PARP2: variants seen among roughly 807,000 people sequenced by gnomAD.
PARP2 encodes poly [ADP-ribose] polymerase 2.
PARP2 carries 57 observed loss-of-function variants against 77.8 expected under a neutral mutation model. The observed-to-expected ratio is 0.73, with a 90% confidence interval of 0.59 to 0.91. The LOEUF (loss-of-function observed/expected upper bound fraction) is 0.91. Ranked by LOEUF, PARP2 falls within the 40% of genes least tolerant of loss-of-function variation. The pLI is 0.00. For missense variants in PARP2, 651 were observed against 689.0 expected (o/e 0.94, Z 0.62); for synonymous variants, 226 against 242.6 (o/e 0.93, Z 0.64).
chr14:20,353,111 C>T (rs1206812124), intron 7 of PARP2: 1 of 152,030 alleles, frequency 6.6e-6, no homozygotes, highest in African/African-American at 2.4e-5. Flanking sequence ...AACTCGTGAC[C>T]TTGGGTGATC....
intron 7 of PARP2, among the ~76,000 whole-genome samples, chr14:20,353,597 A>G (rs1435633461): frequency 6.6e-6 from 1 of 152,238 alleles, no homozygotes; most frequent in Non-Finnish European, 1.5e-5. Context: ...CAAACTGATT[A>G]AACAATTAAC....
At chr14:20,351,978 T>G (rs1883970934) in intron 6 of PARP2, among the ~76,000 whole-genome samples, 1 of 152,246 alleles carries the variant, frequency 6.6e-6, no homozygotes, top group Non-Finnish European at 1.5e-5. Context: ...TAGATGGATA[T>G]CTTTTGTTTG....
At chr14:20,352,856 T>C (rs1713414) in intron 7 of PARP2, 69,810 of 151,160 alleles carry the variant, frequency 0.46, 17,915 homozygotes, top group African/African-American at 0.7. Context: ...TTTCTAGTCT[T>C]GGCTCTGTTA....
At chr14:20,353,390 G>GT (rs1566422351) in intron 7 of PARP2, among the ~76,000 whole-genome samples, 7 of 151,854 alleles carry the variant, frequency 4.6e-5, no homozygotes, top group Non-Finnish European at 8.8e-5. Flanking sequence ...ACAGGCGCCC[G>GT]CCACCACGCC....
At chr14:20,353,628 C>A (rs1304134432) in intron 7 of PARP2, among the ~76,000 whole-genome samples, 1 of 152,292 alleles carries the variant, frequency 6.6e-6, no homozygotes, top group African/African-American at 2.4e-5. Flanking sequence ...GTTTTCACTT[C>A]TGGATATATA....
chr14:20,354,946 G>C lies in PARP2; in HGVS notation c.901G>C (p.Gly301Arg), dbSNP rs1474646337. Residue 301 changes from glycine (G) to arginine (R), a missense_variant and splice_region_variant, in exon 9 of 16, where the codon GGA (glycine) becomes CGA (arginine). By Grantham distance (125) the Gly-to-Arg change is moderately radical (BLOSUM62 -2). Coordinates refer to ENST00000429687, the MANE Select transcript of PARP2 (RefSeq NM_001042618.2). ...CTACACCAGGATTCCGCATGACTTT[G>C]GGTAAGGCCTGTGCTGTTACTTCAC... ...EFYTRIPHDF[G>R]LRTPPLIRTQ... 1.2e-6 allele frequency: 2 copies of C among 1,612,744 alleles called. No individual in the cohort carries two copies. Among genetic ancestry groups the C allele is most frequent in the East Asian group, 2.2e-5 (1 of 44,870 alleles).
At chr14:20,350,361 TTTC>T (rs1383332818) in intron 4 of PARP2, among the ~76,000 whole-genome samples, 162 bp from the exon 5 acceptor site, 2 of 152,254 alleles carry the variant, frequency 1.3e-5, no homozygotes, top group Non-Finnish European at 2.9e-5. Flanking sequence ...ATAAGCCCTA[TTTC>T]TTCTTTATAT....
intron 3 of PARP2, 45 bp from the exon 4 acceptor site, chr14:20,346,818 C>A: frequency 7.6e-7 from 1 of 1,320,222 alleles, no homozygotes; most frequent in Non-Finnish European, 1.1e-6. Context: ...GATGTCAGGG[C>A]TGAACCTATA....
In PARP2 at chr14:20,354,085, G is replaced by T; in HGVS notation, c.601G>T (p.Asp201Tyr). ...GTGTTTTGTTTGTTTTTTGCTATAG[G>T]ATGAAGAGGAAACAAAGAAAGAGGA... ...LQMDYATNTQ[D>Y]EEETKKEESL... Residue 201 changes from aspartate to tyrosine, a missense_variant and splice_region_variant, in exon 8 of 16, where the codon GAT (aspartate) becomes TAT (tyrosine). Coordinates refer to ENST00000429687, the MANE Select transcript of PARP2 (RefSeq NM_001042618.2). 3.1e-6 allele frequency: 5 copies of T among 1,610,560 alleles called. No homozygotes were observed. Among genetic ancestry groups the T allele is most frequent in the Non-Finnish European group, 4.2e-6 (5 of 1,177,368 alleles).
intron 4 of PARP2, 133 bp from the exon 5 acceptor site, chr14:20,350,393 C>CT: frequency 1.9e-6 from 1 of 525,644 alleles, no homozygotes; most frequent in East Asian, 2.9e-5. Context: ...TTACAGGAAT[C>CT]TAATTTTCTT....
chr14:20,343,763 C>G, intron 1 of PARP2, 76 bp downstream of exon 1: 3 of 1,447,494 alleles, frequency 2.1e-6, no homozygotes, highest in Non-Finnish European at 1.9e-6. Context: ...TACTGTGACC[C>G]CCTTCCCCTT....
chr14:20,348,744 G>A (rs1286847678), intron 4 of PARP2, among the ~76,000 whole-genome samples: 1 of 152,154 alleles, frequency 6.6e-6, no homozygotes. Flanking sequence ...GGTTAGCCAG[G>A]TGCAGTGGCT....
rs533910739 is a variant in PARP2 at position 20,344,611 on chromosome 14, G to T, written c.47-321G>T. ...GCAGATCACTTGAGGTCACGAGTTC[G>T]AGACCAGCCTGGCCAACATGGTGAA... On this transcript the variant is annotated intron_variant, in intron 1 of 15. Transcript: ENST00000429687. 1.7e-3 allele frequency among the ~76,000 whole-genome samples: 259 copies of T among 152,258 alleles called. 1 individual carries two copies. The highest frequency in any genetic ancestry group is 6.0e-3 in the African/African-American group (250 of 41,544).
At chr14:20,351,477 C>T (rs1883953039) in intron 6 of PARP2, among the ~76,000 whole-genome samples, 1 of 152,152 alleles carries the variant, frequency 6.6e-6, no homozygotes, top group Admixed American at 6.5e-5. Context: ...CGTGCCCTGC[C>T]TTCTCTAAGA....
chr14:20,347,733 C>T (rs1006779935), intron 4 of PARP2, among the ~76,000 whole-genome samples: 3 of 151,806 alleles, frequency 2.0e-5, no homozygotes, highest in Admixed American at 6.6e-5. Flanking sequence ...TAATATTAGC[C>T]ATTAGTGGTT....
At chr14:20,356,866 C>A in intron 13 of PARP2, 177 bp downstream of exon 13, 1 of 675,794 alleles carries the variant, frequency 1.5e-6, no homozygotes, top group Non-Finnish European at 2.6e-6. Context: ...AAAGATACCT[C>A]ACCTTTCCCT....
At chr14:20,347,009 CCT>C in intron 4 of PARP2, 96 bp downstream of exon 4, 5 of 707,212 alleles carry the variant, frequency 7.1e-6, no homozygotes, top group Admixed American at 2.6e-5. Flanking sequence ...CTTTAAAGTC[CCT>C]TTTTTTTTTT....
chr14:20,352,568 T>TTTTTTTTG (rs10695113), intron 7 of PARP2: 92 of 297,058 alleles, frequency 3.1e-4, no homozygotes, highest in Non-Finnish European at 4.0e-4. Flanking sequence ...CTTTTTTTTT[T>TTTTTTTTG]GTAAAGATGA....
At chr14:20,355,187 G>T in intron 9 of PARP2, 1 of 407,692 alleles carries the variant, frequency 2.5e-6, no homozygotes, top group Non-Finnish European at 4.3e-6. Context: ...ACCCAAGAGA[G>T]AATGGGTCTA....
Sources: gnomAD v4.1 joint callset for allele counts (sites outside exome capture counted in the v4.1 genomes callset) on GRCh38, gnomAD v4.1.1 for gene constraint, MANE v1.5 for transcripts, NCBI Gene and HGNC (gene_info 2026-07-23, HGNC 2026-07-21) for gene names.